The following AKAP7 variants were observed in gnomAD, a reference collection of about 807,000 sequenced individuals.
The protein encoded by AKAP7 is A-kinase anchoring protein 7.
In AKAP7, 39 loss-of-function variants were observed where a neutral mutation model predicts 39.5. The observed-to-expected ratio is 0.99, with a 90% CI of 0.76 to 1.29. The LOEUF (loss-of-function observed/expected upper bound fraction) is 1.29. AKAP7 is among the 50% of genes most tolerant of loss of function. AKAP7 has a pLI of 0.00. For missense variants in AKAP7, 414 were observed against 407.7 expected (o/e 1.02, Z -0.13); for synonymous variants, 140 against 139.1 (o/e 1.01, Z -0.05).
chr6:131,282,551 A>G lies in AKAP7; in HGVS notation c.*825A>G, dbSNP rs1352759338. 6.5e-7 allele frequency: 1 copy of G among 1,535,910 alleles called. No homozygotes were observed. Among genetic ancestry groups the G allele is most frequent in the Non-Finnish European group, 8.7e-7 (1 of 1,146,794 alleles). On this transcript the variant is annotated 3_prime_UTR_variant, in exon 8 of 8. Transcript: ENST00000431975. ...GAGGGAGCTTTTTGAAGGAAGACTT[A>G]TTAACAACAGTAATTCAGCAAATGA...
At chr6:131,190,752 G>A (rs1203995344) in intron 5 of AKAP7, among the ~76,000 whole-genome samples, 6 of 152,042 alleles carry the variant, frequency 3.9e-5, no homozygotes, top group Admixed American at 3.9e-4. Context: ...GTAAAGAACA[G>A]TACAAATGCC....
intron 7 of AKAP7, among the ~76,000 whole-genome samples, chr6:131,222,623 T>C (rs765533856): frequency 6.6e-6 from 1 of 152,204 alleles, no homozygotes; most frequent in Non-Finnish European, 1.5e-5. Context: ...GATAAAACTT[T>C]AGTGGATAAT....
chr6:131,168,553 A>G (rs1803723974), intron 4 of AKAP7, among the ~76,000 whole-genome samples: 1 of 152,224 alleles, frequency 6.6e-6, no homozygotes, highest in South Asian at 2.1e-4. Flanking sequence ...TAAAGTATAT[A>G]TGGCAAACTT....
chr6:131,178,852 C>G (rs1379824754), intron 5 of AKAP7, among the ~76,000 whole-genome samples: 1 of 152,164 alleles, frequency 6.6e-6, no homozygotes, highest in African/African-American at 2.4e-5. Context: ...CCCACAATAT[C>G]CTCCATGTTC....
intron 5 of AKAP7, chr6:131,185,078 A>C (rs867465535): frequency 1.4e-6 from 1 of 693,798 alleles, no homozygotes; most frequent in Non-Finnish European, 2.7e-6. Flanking sequence ...TGTCATCATC[A>C]ACTCGGGGAT....
upstream of AKAP7, among the ~76,000 whole-genome samples, chr6:131,134,505 T>C (rs950219505): frequency 6.6e-6 from 1 of 152,206 alleles, no homozygotes; most frequent in East Asian, 1.9e-4. Context: ...CAGTTACTTA[T>C]GTTTCTTTCT....
chr6:131,213,541 CTTGTTACA>C (rs1489653250), intron 6 of AKAP7, among the ~76,000 whole-genome samples: 3 of 152,080 alleles, frequency 2.0e-5, no homozygotes, highest in Non-Finnish European at 4.4e-5. Context: ...GAGGCTGTAG[CTTGTTACA>C]TTCGAGTGAC....
At chr6:131,133,335 C>T (rs1800368597), upstream of AKAP7, among the ~76,000 whole-genome samples, 1 of 152,142 alleles carries the variant, frequency 6.6e-6, no homozygotes, top group Admixed American at 6.5e-5. Context: ...CAGATTATCT[C>T]CCATTTGCTC....
chr6:131,142,051 A>C (rs2128225313), intron 1 of AKAP7, among the ~76,000 whole-genome samples: 1 of 152,178 alleles, frequency 6.6e-6, no homozygotes, highest in South Asian at 2.1e-4. Flanking sequence ...GAATGACTTA[A>C]AGTTGCTTTC....
intron 7 of AKAP7, among the ~76,000 whole-genome samples, chr6:131,243,457 G>C (rs1811768580): frequency 6.6e-6 from 1 of 152,210 alleles, no homozygotes; most frequent in East Asian, 1.9e-4. Flanking sequence ...GACCATGACA[G>C]ATTTTGAGAC....
chr6:131,210,172 C>T (rs544411098), intron 6 of AKAP7, among the ~76,000 whole-genome samples: 40 of 152,344 alleles, frequency 2.6e-4, no homozygotes, highest in African/African-American at 9.1e-4. Flanking sequence ...CAGAATTATA[C>T]TTCCATTTCT....
In AKAP7 at chr6:131,187,142, T is replaced by A. The variant is rs183319964; in HGVS notation, c.590-12319T>A. Among the ~76,000 whole-genome samples the A allele has an allele frequency of 4.4e-3, 667 of 152,300 alleles. 4 individuals carry two copies. The highest frequency in any genetic ancestry group is 0.024 in the Middle Eastern group (7 of 294). On this transcript the variant is annotated intron_variant, in intron 5 of 7. Coordinates refer to ENST00000431975, the MANE Select transcript of AKAP7 (RefSeq NM_016377.4). The stretch of plus-strand genomic sequence containing the variant: ...TATGAATTTTAGGATGGATTTTTTT[T>A]AAATTTCTGCAGAAAATACCATTGG...
At chr6:131,248,231 T>C (rs1282974881) in intron 7 of AKAP7, among the ~76,000 whole-genome samples, 2 of 152,166 alleles carry the variant, frequency 1.3e-5, no homozygotes, top group Non-Finnish European at 2.9e-5. Context: ...TATTTTGCAA[T>C]GCAAATTAAA....
At chr6:131,185,399 TG>T in intron 5 of AKAP7, 1 of 516,868 alleles carries the variant, frequency 1.9e-6, no homozygotes. Context: ...AGCACAGAGG[TG>T]GGCATTGTAA....
At chr6:131,167,465 C>T (rs1803618326) in intron 4 of AKAP7, among the ~76,000 whole-genome samples, 1 of 152,074 alleles carries the variant, frequency 6.6e-6, no homozygotes, top group African/African-American at 2.4e-5. Context: ...TCTTGAATTC[C>T]CCCAACTTAT....
At chr6:131,199,098 T>C (rs913665234) in intron 5 of AKAP7, among the ~76,000 whole-genome samples, 1 of 152,232 alleles carries the variant, frequency 6.6e-6, no homozygotes, top group Admixed American at 6.5e-5. Flanking sequence ...GTTTGAGATA[T>C]GAAGGGTTTC....
At chr6:131,139,617 A>G (rs1214730172) in intron 1 of AKAP7, among the ~76,000 whole-genome samples, 3 of 147,166 alleles carry the variant, frequency 2.0e-5, no homozygotes, top group Admixed American at 6.8e-5. Context: ...AGCTATCTAC[A>G]CTAGCTACTA....
At chr6:131,200,594 C>T (rs1807460461) in intron 6 of AKAP7, among the ~76,000 whole-genome samples, 1 of 152,074 alleles carries the variant, frequency 6.6e-6, no homozygotes, top group Non-Finnish European at 1.5e-5. Context: ...GGGTGACTCA[C>T]CATCCTATAG....
At chr6:131,241,002 T>G (rs1811506322) in intron 7 of AKAP7, among the ~76,000 whole-genome samples, 1 of 152,188 alleles carries the variant, frequency 6.6e-6, no homozygotes, top group African/African-American at 2.4e-5. Flanking sequence ...TCACCCGTCT[T>G]CTGCGTCGCT....
Sources: allele counts gnomAD v4.1 joint callset (sites outside exome capture counted in the v4.1 genomes callset), GRCh38; gene constraint gnomAD v4.1.1; transcripts MANE v1.5; gene names NCBI Gene and HGNC (gene_info 2026-07-23, HGNC 2026-07-21).